The following LIMS1 variants were observed in gnomAD, a reference collection of about 807,000 sequenced individuals.
LIMS1 encodes the protein LIM and senescent cell antigen-like-containing domain protein 1.
In LIMS1, 18 loss-of-function variants were observed where a neutral mutation model predicts 44.1. The ratio of observed to expected loss-of-function variants is 0.41; its 90% CI spans 0.28 to 0.61. LIMS1 has a LOEUF of 0.61. Among genes scored for constraint, LIMS1 ranks in the 20% least tolerant of loss-of-function variants. The probability of loss-of-function intolerance (pLI) is 0.32; values close to 1 mark genes in which losing one functional copy is unlikely to be tolerated. For synonymous variants in LIMS1, 93 were observed against 149.1 expected (o/e 0.62, Z 2.74); for missense variants, 201 against 422.0 (o/e 0.48, Z 4.59).
intron 3 of LIMS1, among the ~76,000 whole-genome samples, chr2:108,672,028 G>C (rs56140851): frequency 6.6e-6 from 1 of 152,028 alleles, no homozygotes; most frequent in African/African-American, 2.4e-5. Context: ...ATAGCCGGGC[G>C]TGGTGGCAGG....
intron 1 of LIMS1, 55 bp downstream of exon 1, chr2:108,534,649 C>G (rs1387197487): frequency 2.0e-6 from 2 of 1,012,108 alleles, no homozygotes; most frequent in Non-Finnish European, 2.4e-6. Context: ...TCCCGGCGGG[C>G]CTTCGGGCCG....
At chr2:108,660,905 A>G (rs1433665608) in intron 2 of LIMS1, among the ~76,000 whole-genome samples, 1 of 148,208 alleles carries the variant, frequency 6.7e-6, no homozygotes, top group African/African-American at 2.5e-5. Context: ...ATATGATAAT[A>G]TATGTATATA....
chr2:108,616,007 G>A (rs886954695), intron 1 of LIMS1, among the ~76,000 whole-genome samples: 3 of 152,078 alleles, frequency 2.0e-5, no homozygotes, highest in East Asian at 3.9e-4. Flanking sequence ...CCTTGAAAAC[G>A]TGGGATTGGA....
rs1228637298 is a variant in LIMS1, at chr2:108,680,642, C to T, written c.824-53C>T. 6.2e-6 allele frequency: 10 copies of T among 1,608,614 alleles called. No homozygotes were observed. In the Admixed American group the frequency reaches 1.7e-4, roughly 27 times the overall value. On this transcript the variant is annotated intron_variant, in intron 8 of 9. Transcript: ENST00000544547. Reference sequence around the variant, plus strand: ...GGAGTTGAAATTCTAAGCTGCCCTGCTCCCCATACTGATGTATTTCCATGT... The same window carrying T: ...GGAGTTGAAATTCTAAGCTGCCCTGTTCCCCATACTGATGTATTTCCATGT...
exon 10 of LIMS1, chr2:108,684,806 A>C (rs1693221032): frequency 6.6e-6 from 1 of 152,186 alleles, no homozygotes; most frequent in Non-Finnish European, 1.5e-5. Flanking sequence ...GTCTTAGAAT[A>C]GGACATGAAA....
exon 2 of LIMS1, chr2:108,659,751 G>A (rs761280581): frequency 4.3e-6 from 7 of 1,612,392 alleles, no homozygotes; most frequent in East Asian, 2.2e-5. Flanking sequence ...TTCCCAGAAG[G>A]ACTCTTCTAT....
chr2:108,543,301 C>A (rs747737978), intron 1 of LIMS1, among the ~76,000 whole-genome samples: 3 of 152,122 alleles, frequency 2.0e-5, no homozygotes, highest in Non-Finnish European at 2.9e-5. Context: ...CATGGTGGCA[C>A]GTGCCCGTAG....
At chr2:108,595,079 A>G (rs1275644282) in intron 1 of LIMS1, among the ~76,000 whole-genome samples, 2 of 152,220 alleles carry the variant, frequency 1.3e-5, no homozygotes, top group Non-Finnish European at 2.9e-5. Context: ...ATGCAAGGAC[A>G]TTACTGACTG....
chr2:108,550,563 C>A, intron 1 of LIMS1, among the ~76,000 whole-genome samples: 1 of 151,806 alleles, frequency 6.6e-6, no homozygotes, highest in East Asian at 1.9e-4. Flanking sequence ...CGCCTGTAAT[C>A]CCAGCACTTT....
At chr2:108,551,874 T>TATGTATATATGTGTATATAC (rs1325472832) in intron 1 of LIMS1, among the ~76,000 whole-genome samples, 1 of 146,188 alleles carries the variant, frequency 6.8e-6, no homozygotes, top group East Asian at 2.0e-4. Flanking sequence ...TATGTATACA[T>TATGTATATATGTGTATATAC]ATGTATATAT....
rs566467434 is a variant in LIMS1 at position 108,585,750 on chromosome 2, T to G, written c.32+51156T>G. 1.7e-4 allele frequency among the ~76,000 whole-genome samples: 26 copies of G among 152,160 alleles called. 1 individual carries two copies. The South Asian group carries it at 4.2e-3, about 24-fold the overall frequency. On this transcript the variant is annotated intron_variant, in intron 1 of 9. Transcript: ENST00000544547. ...TCTGGAAGCCAAGGGAATAGAAAAT[T>G]CCCAGGAAAGCATCATTTAAAAATG...
At chr2:108,573,420 A>T (rs17036529) in intron 1 of LIMS1, among the ~76,000 whole-genome samples, 1,853 of 152,248 alleles carry the variant, frequency 0.012, 44 homozygotes, top group African/African-American at 0.043. Context: ...AATGAAAGGA[A>T]ACTAACAGTT....
At chr2:108,607,293 C>T (rs1360859264) in intron 1 of LIMS1, 1 of 1,536,700 alleles carries the variant, frequency 6.5e-7, no homozygotes. Flanking sequence ...GTTCCCCCTC[C>T]AAATGAAACA....
chr2:108,648,134 A>G (rs1690202200), intron 1 of LIMS1, among the ~76,000 whole-genome samples: 1 of 152,346 alleles, frequency 6.6e-6, no homozygotes, highest in East Asian at 1.9e-4. Flanking sequence ...ATACAAAATC[A>G]ATGTGCAAAA....
chr2:108,561,706 T>A (rs986439623), intron 1 of LIMS1, among the ~76,000 whole-genome samples: 3 of 152,020 alleles, frequency 2.0e-5, no homozygotes, highest in Admixed American at 2.0e-4. Flanking sequence ...TTGTTATGAT[T>A]ATATGTTGTG....
At chr2:108,677,787 T>C (rs2438724) in intron 7 of LIMS1, among the ~76,000 whole-genome samples, 192 bp from the exon 8 acceptor site, 1 of 152,272 alleles carries the variant, frequency 6.6e-6, no homozygotes, top group Non-Finnish European at 1.5e-5. Flanking sequence ...AACTGTCATC[T>C]GGAAAGTTTT....
At chr2:108,599,053 G>T (rs1378966331) in intron 1 of LIMS1, among the ~76,000 whole-genome samples, 1 of 151,720 alleles carries the variant, frequency 6.6e-6, no homozygotes, top group Non-Finnish European at 1.5e-5. Flanking sequence ...TATTATTTTA[G>T]TTATTTTTAA....
intron 1 of LIMS1, among the ~76,000 whole-genome samples, chr2:108,596,915 GTTTTTTT>G (rs34313967): frequency 1.5e-5 from 1 of 68,444 alleles, no homozygotes; most frequent in Non-Finnish European, 2.7e-5. Context: ...CGAAACATCT[GTTTTTTT>G]TTTTTTTTTT....
chr2:108,589,326 C>G (rs759911272), intron 1 of LIMS1, among the ~76,000 whole-genome samples: 3 of 152,096 alleles, frequency 2.0e-5, no homozygotes, highest in Non-Finnish European at 4.4e-5. Flanking sequence ...TCTCAAATAT[C>G]ACTTTTTCGT....
Sources: allele counts gnomAD v4.1 joint callset (sites outside exome capture counted in the v4.1 genomes callset), GRCh38; gene constraint gnomAD v4.1.1; transcripts MANE v1.5; gene names NCBI Gene and HGNC (gene_info 2026-07-23, HGNC 2026-07-21).